The following LIPI variants were observed in gnomAD, a reference collection of about 807,000 sequenced individuals.
LIPI encodes lipase I, also known as lipase member I.
LIPI carries 59 observed loss-of-function variants against 50.6 expected under a neutral mutation model. That is an observed-to-expected ratio of 1.16 (90% CI 0.94 to 1.45). LIPI has a LOEUF of 1.45. Ranked by LOEUF, LIPI falls within the 40% of genes most tolerant of loss-of-function variation. LIPI has a pLI of 0.00. For missense variants in LIPI, 586 were observed against 536.3 expected (o/e 1.09, Z -0.92); for synonymous variants, 203 against 178.2 (o/e 1.14, Z -1.11).
chr21:14,208,162 G>A (rs1351518035), intron 1 of LIPI, among the ~76,000 whole-genome samples: 1 of 152,146 alleles, frequency 6.6e-6, no homozygotes, highest in Non-Finnish European at 1.5e-5. Flanking sequence ...ACTCAGCTCA[G>A]AATCCCATGG....
At chr21:14,138,415 A>T (rs114413238) in intron 9 of LIPI, among the ~76,000 whole-genome samples, 4,135 of 152,256 alleles carry the variant, frequency 0.027, 180 homozygotes, top group African/African-American at 0.091. Flanking sequence ...TAATATTTTT[A>T]AAAGAATCTG....
chr21:14,156,431 A>G (rs372569533), intron 7 of LIPI, among the ~76,000 whole-genome samples: 3 of 151,996 alleles, frequency 2.0e-5, no homozygotes, highest in East Asian at 3.9e-4. Context: ...ACAAGCCAAC[A>G]AATATGAACA....
intron 9 of LIPI, among the ~76,000 whole-genome samples, chr21:14,132,467 C>A: frequency 6.6e-6 from 1 of 152,102 alleles, no homozygotes; most frequent in Non-Finnish European, 1.5e-5. Context: ...TTATATCCTT[C>A]CAGAATAAGC....
intron 4 of LIPI, among the ~76,000 whole-genome samples, chr21:14,177,416 T>C (rs564340431): frequency 1.1e-4 from 16 of 152,144 alleles, no homozygotes; most frequent in African/African-American, 3.1e-4. Context: ...AGAGCATAAG[T>C]CCATTTATCT....
At chr21:14,128,286 T>A (rs902660562) in intron 9 of LIPI, among the ~76,000 whole-genome samples, 1 of 152,072 alleles carries the variant, frequency 6.6e-6, no homozygotes, top group Non-Finnish European at 1.5e-5. Flanking sequence ...ACAATGGGAA[T>A]AATTGACTAT....
At chr21:14,129,643 T>A (rs1195427291) in intron 9 of LIPI, among the ~76,000 whole-genome samples, 1 of 151,748 alleles carries the variant, frequency 6.6e-6, no homozygotes. Flanking sequence ...TAAAAACAGT[T>A]TGATGTCATG....
At chr21:14,146,225 A>G (rs1000214901) in intron 8 of LIPI, among the ~76,000 whole-genome samples, 2 of 151,970 alleles carry the variant, frequency 1.3e-5, no homozygotes, top group South Asian at 4.2e-4. Context: ...TATCTTAAGG[A>G]TGCCTGAAGC....
At chr21:14,190,891 C>A (rs114599259) in intron 1 of LIPI, among the ~76,000 whole-genome samples, 6,525 of 152,182 alleles carry the variant, frequency 0.043, 178 homozygotes, top group African/African-American at 0.071. Context: ...CCACTCCAAG[C>A]TAAAGTCAAT....
intron 4 of LIPI, among the ~76,000 whole-genome samples, chr21:14,176,721 C>CTTT (rs71183410): frequency 2.5e-4 from 34 of 133,390 alleles, no homozygotes; most frequent in Middle Eastern, 3.7e-3. Flanking sequence ...GCTTTCAATT[C>CTTT]TTTTTTTTTT....
chr21:14,203,551 G>A lies in LIPI; in HGVS notation c.46+7249C>T, dbSNP rs1278234580. 2.0e-5 allele frequency among the ~76,000 whole-genome samples: 3 copies of A among 151,824 alleles called. No individual in the cohort carries two copies. The East Asian group carries it at 5.8e-4, about 30-fold the overall frequency. ...CCTTTGTAGGGACATGGATGAAGCTGGAAACCATCATTCACAGCAAACTAT... is the reference window on the plus strand; with the variant it reads ...CCTTTGTAGGGACATGGATGAAGCTAGAAACCATCATTCACAGCAAACTAT... On this transcript the variant is annotated intron_variant, in intron 1 of 9. Coordinates refer to ENST00000681601, the MANE Select transcript of LIPI (RefSeq NM_001302998.2).
intron 4 of LIPI, among the ~76,000 whole-genome samples, chr21:14,169,246 T>C (rs1480156452): frequency 1.3e-5 from 2 of 152,134 alleles, no homozygotes; most frequent in Admixed American, 6.5e-5. Flanking sequence ...AGACTTAGAC[T>C]CCCACACATT....
chr21:14,196,172 A>AAAAAAAAAAAAAAACAAT (rs139955022), intron 1 of LIPI, among the ~76,000 whole-genome samples: 1 of 138,316 alleles, frequency 7.2e-6, no homozygotes, highest in Non-Finnish European at 1.6e-5. Context: ...AAAAAACAAA[A>AAAAAAAAAAAAAAACAAT]CAAGAAGTAT....
intron 1 of LIPI, among the ~76,000 whole-genome samples, chr21:14,204,313 G>C (rs940666926): frequency 1.3e-5 from 2 of 151,002 alleles, no homozygotes; most frequent in African/African-American, 2.4e-5. Context: ...GAAGGGTTTG[G>C]GAGGAGAGAG....
chr21:14,137,183 A>G (rs570254828), intron 9 of LIPI, among the ~76,000 whole-genome samples: 1 of 152,326 alleles, frequency 6.6e-6, no homozygotes, highest in Admixed American at 6.5e-5. Flanking sequence ...ACACCGAAGA[A>G]CATCTACTAG....
intron 7 of LIPI, among the ~76,000 whole-genome samples, chr21:14,155,995 A>T (rs190376279): frequency 6.6e-6 from 1 of 152,118 alleles, no homozygotes; most frequent in African/African-American, 2.4e-5. Flanking sequence ...TAATATTCAA[A>T]ATCATGATAA....
chr21:14,184,561 C>T (rs534522097), intron 3 of LIPI, among the ~76,000 whole-genome samples: 1 of 151,888 alleles, frequency 6.6e-6, no homozygotes, highest in East Asian at 1.9e-4. Flanking sequence ...TTTCAAAAAC[C>T]TCTATTATCC....
At chr21:14,139,921 A>G (rs1032246572) in intron 9 of LIPI, among the ~76,000 whole-genome samples, 5 of 152,170 alleles carry the variant, frequency 3.3e-5, no homozygotes, top group African/African-American at 9.7e-5. Context: ...GTGTGCAGGT[A>G]CAGTAGTCAA....
intron 1 of LIPI, among the ~76,000 whole-genome samples, chr21:14,199,559 C>A (rs1395340199): frequency 1.3e-5 from 2 of 151,164 alleles, no homozygotes; most frequent in Non-Finnish European, 3.0e-5. Context: ...AATCCCTGAA[C>A]ATACCAGTGA....
Position 14,198,642 on chromosome 21 carries a change from A to G in LIPI, c.47-9223T>C, listed in dbSNP as rs567544897. Among the ~76,000 whole-genome samples the G allele has an allele frequency of 1.1e-4, 17 of 152,292 alleles. No individual in the cohort carries two copies. In the South Asian group the frequency reaches 1.4e-3, roughly 13 times the overall value. ...CATGCTCTTTCTCAGAGATCTTCAA[A>G]GAGACTCAGAATCCCACACAATAAT... On this transcript the variant is annotated intron_variant, in intron 1 of 9. Coordinates refer to ENST00000681601, the MANE Select transcript of LIPI (RefSeq NM_001302998.2).
Sources: allele counts gnomAD v4.1 joint callset (sites outside exome capture counted in the v4.1 genomes callset), GRCh38; gene constraint gnomAD v4.1.1; transcripts MANE v1.5; gene names NCBI Gene and HGNC (gene_info 2026-07-23, HGNC 2026-07-21).